The following UROS variants were observed in gnomAD, a reference collection of about 807,000 sequenced individuals.
UROS encodes the protein uroporphyrinogen-III synthase.
Under a neutral mutation model 33.0 loss-of-function variants are expected in UROS, and 18 were observed. The ratio of observed to expected loss-of-function variants is 0.55; its 90% CI spans 0.38 to 0.81. The LOEUF (loss-of-function observed/expected upper bound fraction) is 0.81. UROS is among the 30% of genes least tolerant of loss of function. The pLI is 0.00. For missense variants in UROS, 293 were observed against 314.9 expected, an observed-to-expected ratio of 0.93 and a Z score of 0.53; for synonymous variants, 114 against 121.1, an observed-to-expected ratio of 0.94 and a Z score of 0.38.
At chr10:125,802,687 A>T (rs1851944553) in intron 6 of UROS, 1 of 1,279,188 alleles carries the variant, frequency 7.8e-7, no homozygotes, top group Non-Finnish European at 9.9e-7. Flanking sequence ...AATGTCTCAC[A>T]GTGCTGGCTC....
At chr10:125,812,803 A>G (rs1852928022) in intron 4 of UROS, among the ~76,000 whole-genome samples, 1 of 152,338 alleles carries the variant, frequency 6.6e-6, no homozygotes, top group East Asian at 1.9e-4. Flanking sequence ...GTCAATTAAC[A>G]AACACAATTT....
chr10:125,816,708 C>A, intron 1 of UROS, 183 bp from the exon 2 acceptor site: 2 of 627,566 alleles, frequency 3.2e-6, no homozygotes, highest in Admixed American at 2.7e-5. Flanking sequence ...ACTGATAAGG[C>A]CAAGAAAGAG....
intron 6 of UROS, among the ~76,000 whole-genome samples, chr10:125,804,724 T>A (rs748524262): frequency 1.1e-4 from 16 of 152,292 alleles, no homozygotes; most frequent in Non-Finnish European, 2.1e-4. Context: ...CCCCACCTAT[T>A]TGGTATCCTG....
downstream of UROS, among the ~76,000 whole-genome samples, chr10:125,788,035 G>A (rs1361552575): frequency 6.6e-6 from 1 of 152,182 alleles, no homozygotes; most frequent in Admixed American, 6.5e-5. Flanking sequence ...TCAGGGTTAT[G>A]AGGAATGGAG....
chr10:125,799,433 G>A (rs912622777), intron 6 of UROS, among the ~76,000 whole-genome samples: 20 of 152,178 alleles, frequency 1.3e-4, no homozygotes. Flanking sequence ...GGTGGAAGAT[G>A]TTAGGGGCCA....
intron 1 of UROS, among the ~76,000 whole-genome samples, chr10:125,821,826 G>A (rs1029064290): frequency 1.3e-5 from 2 of 152,128 alleles, no homozygotes; most frequent in African/African-American, 4.8e-5. Flanking sequence ...ACCCAAAGAG[G>A]CCATTTCAAG....
intron 8 of UROS, 158 bp from the exon 9 acceptor site, chr10:125,795,136 T>A: frequency 1.4e-6 from 1 of 700,820 alleles, no homozygotes; most frequent in South Asian, 1.5e-5. Context: ...TCTGCTCCAG[T>A]GAGGCAGGAT....
downstream of UROS, among the ~76,000 whole-genome samples, chr10:125,786,326 G>A (rs1184723780): frequency 6.7e-6 from 1 of 149,980 alleles, no homozygotes; most frequent in Non-Finnish European, 1.5e-5. Context: ...TGCCCAGGCT[G>A]GAGTGCAGTG....
At chr10:125,789,336 T>G in intron 9 of UROS, 1 of 1,256,332 alleles carries the variant, frequency 8.0e-7, no homozygotes, top group Non-Finnish European at 1.0e-6. Context: ...TGCAGACAGT[T>G]CTTCTTCGGG....
At position 125,815,124 on chromosome 10, in the gene UROS, G is replaced by C; in HGVS notation, c.154C>G (p.His52Asp). 6.2e-7 allele frequency: 1 copy of C among 1,614,156 alleles called. No individual in the cohort carries two copies. Residue 52 changes from histidine to aspartate, a missense_variant, in exon 4 of 10, where the codon CAT (histidine) becomes GAT (aspartate). Physicochemically the swap from His to Asp is moderately conservative, Grantham distance 81. Transcript: ENST00000368797. ...ATGAGTCCCCCGTAATCTTCAGGAT[G>C]AGAAAGCTGCACACCAAAAAGCAAT... ...SLPSFSEKLSHPEDYGGLIFT... is the reference protein window; with the variant it reads ...SLPSFSEKLSDPEDYGGLIFT...
intron 9 of UROS, chr10:125,789,437 C>G (rs906289422): frequency 1.9e-6 from 2 of 1,030,682 alleles, no homozygotes; most frequent in African/African-American, 3.3e-5. Flanking sequence ...AAGGTCAGGG[C>G]TCTGTGGGCA....
At chr10:125,794,248 C>T in intron 9 of UROS, 1 of 778,480 alleles carries the variant, frequency 1.3e-6, no homozygotes, top group Non-Finnish European at 1.6e-6. Context: ...TGCATACTCC[C>T]CACATGAGAT....
intron 6 of UROS, 176 bp downstream of exon 6, chr10:125,807,237 A>C: frequency 1.6e-6 from 1 of 644,678 alleles, no homozygotes; most frequent in Non-Finnish European, 2.7e-6. Context: ...TAAACCTCAC[A>C]AAGTATAGAC....
At chr10:125,818,688 C>T (rs1853582674) in intron 1 of UROS, among the ~76,000 whole-genome samples, 1 of 151,998 alleles carries the variant, frequency 6.6e-6, no homozygotes. Flanking sequence ...CACAGGAGGG[C>T]CAGTGTCTGG....
chr10:125,805,419 G>T (rs1054366898), intron 6 of UROS, among the ~76,000 whole-genome samples: 1 of 152,208 alleles, frequency 6.6e-6, no homozygotes, highest in Non-Finnish European at 1.5e-5. Flanking sequence ...CAGTGGCCTT[G>T]CTGTGCTGAG....
At chr10:125,794,779 CA>C in intron 9 of UROS, 100 bp downstream of exon 9, 1 of 1,156,518 alleles carries the variant, frequency 8.6e-7, no homozygotes. Context: ...CCTGCTAGGC[CA>C]GGGGTGTCTC....
chr10:125,796,751 A>AGGGCTGGTGATGAGGCG (rs1257503628), intron 7 of UROS: 1 of 977,280 alleles, frequency 1.0e-6, no homozygotes, highest in Non-Finnish European at 1.2e-6. Flanking sequence ...AGGGGTTTTC[A>AGGGCTGGTGATGAGGCG]GGGCTGGTGA....
In UROS at chr10:125,800,694, T is replaced by C. The variant is rs554710618; in HGVS notation, c.395-2549A>G. ...CTCCTGCCTCAGCCTCCTGAGTAGC[T>C]GGGATTACAGACGCGGCCACCAAGC... is the stretch of plus-strand genomic sequence containing the variant. On this transcript the variant is annotated intron_variant, in intron 6 of 9. Transcript: ENST00000368797. 1.6e-3 allele frequency among the ~76,000 whole-genome samples: 245 copies of C among 152,168 alleles called. 1 individual carries two copies. The highest frequency in any genetic ancestry group is 2.8e-3 in the Non-Finnish European group (187 of 67,998).
intron 9 of UROS, chr10:125,789,284 A>G (rs779884752): frequency 1.3e-4 from 179 of 1,380,796 alleles, no homozygotes; most frequent in Non-Finnish European, 1.6e-4. Flanking sequence ...GGTGCTCACC[A>G]TCACGGCTGT....
Sources: gnomAD v4.1 joint callset for allele counts (sites outside exome capture counted in the v4.1 genomes callset) on GRCh38, gnomAD v4.1.1 for gene constraint, MANE v1.5 for transcripts, NCBI Gene and HGNC (gene_info 2026-07-23, HGNC 2026-07-21) for gene names.